DAAM2: variants seen among roughly 807,000 people sequenced by gnomAD.
DAAM2 encodes disheveled-associated activator of morphogenesis 2.
In DAAM2, 39 loss-of-function variants were observed where a neutral mutation model predicts 120.7. That is an observed-to-expected ratio of 0.32 (90% CI 0.25 to 0.42). The LOEUF is 0.42. Ranked by LOEUF, DAAM2 falls within the 10% of genes least tolerant of loss-of-function variation. The probability of loss-of-function intolerance (pLI) is 1.00; values close to 1 mark genes in which losing one functional copy is unlikely to be tolerated. For synonymous variants in DAAM2, 488 were observed against 524.9 expected (o/e 0.93, Z 0.96); for missense variants, 1,283 against 1,401.7 (o/e 0.92, Z 1.35).
rs566690334 is a variant in DAAM2, at chr6:39,874,481, C to T, written c.1163-849C>T. ...CTGGGAAACCTGACTTCTTGTGCTC[C>T]CAGGGATTCCTGTGTTTCCTGTTCC... On this transcript the variant is annotated intron_variant, in intron 10 of 24. Transcript: ENST00000274867. Among the ~76,000 whole-genome samples, 18 of 152,284 alleles carry T rather than the reference C, an allele frequency of 1.2e-4. No individual in the cohort carries two copies. In the South Asian group the frequency reaches 3.7e-3, roughly 32 times the overall value.
rs115663715 is a variant in DAAM2, at chr6:39,859,958, T to G, written c.169-970T>G. ...TTATTGTATTTGAAAATATAAAGAGTCATAATATTATGCTTTGTTATGCTT... is the reference window on the plus strand; with the variant it reads ...TTATTGTATTTGAAAATATAAAGAGGCATAATATTATGCTTTGTTATGCTT... On this transcript the variant is annotated intron_variant, in intron 2 of 24. Coordinates refer to ENST00000274867, the MANE Select transcript of DAAM2 (RefSeq NM_001201427.2). Among the ~76,000 whole-genome samples, 486 of 152,260 alleles carry G rather than the reference T, an allele frequency of 3.2e-3. 5 individuals carry two copies. The highest frequency in any genetic ancestry group is 9.7e-3 in the South Asian group (47 of 4,824).
chr6:39,897,058 G>C (rs551838391), intron 20 of DAAM2, 78 bp downstream of exon 20: 1 of 1,544,208 alleles, frequency 6.5e-7, no homozygotes, highest in Admixed American at 1.8e-5. Context: ...CCCTCTATTA[G>C]GACGGGAACA....
intron 1 of DAAM2, 79 bp from the exon 2 acceptor site, chr6:39,856,168 G>C (rs923687504): frequency 7.7e-7 from 1 of 1,291,888 alleles, no homozygotes; most frequent in African/African-American, 1.5e-5. Flanking sequence ...TGGGACAGAG[G>C]TTATGAAGGC....
In DAAM2 at chr6:39,868,818, C is replaced by A. The variant is rs964373091; in HGVS notation, c.763-5C>A. ...CCTCCTGCTCTGTCCTGCATTTCCA[C>A]CTAGACCCTGCTGAACGAGCTAGAC... On this transcript the variant is annotated splice_polypyrimidine_tract_variant and splice_region_variant and intron_variant, in intron 6 of 24. Transcript: ENST00000274867. 2.0e-5 allele frequency: 31 copies of A among 1,569,302 alleles called. No homozygotes were observed. The highest frequency in any genetic ancestry group is 2.6e-5 in the Non-Finnish European group (30 of 1,156,986).
At position 39,897,252 on chromosome 6, in the gene DAAM2, T is replaced by G; in HGVS notation, c.2588T>G (p.Leu863Arg). ...GATATTCTAAACATGCCTTCAGAGC[T>G]GCAACATCTTCCAGAAGCTGCCAAA... ...FPDILNMPSE[L>R]QHLPEAAKVN... Residue 863 changes from leucine to arginine, a missense_variant, in exon 21 of 25, where the codon CTG becomes CGG. Leu to Arg is a moderately radical substitution (Grantham distance 102, BLOSUM62 -2). Coordinates refer to ENST00000274867, the MANE Select transcript of DAAM2 (RefSeq NM_001201427.2). 6.2e-7 allele frequency: 1 copy of G among 1,613,092 alleles called. No individual in the cohort carries two copies. The highest frequency in any genetic ancestry group is 8.5e-7 in the Non-Finnish European group (1 of 1,179,104).
intron 1 of DAAM2, among the ~76,000 whole-genome samples, chr6:39,802,743 G>A (rs1208566984): frequency 6.6e-6 from 1 of 152,092 alleles, no homozygotes; most frequent in African/African-American, 2.4e-5. Context: ...TTTTTATTTT[G>A]TCTTAACTTT....
intron 1 of DAAM2, among the ~76,000 whole-genome samples, chr6:39,855,670 A>T (rs1254642622): frequency 1.3e-5 from 2 of 152,192 alleles, no homozygotes; most frequent in South Asian, 4.2e-4. Flanking sequence ...AACTGAGCAC[A>T]AAACTGTACA....
At position 39,878,313 on chromosome 6, in the gene DAAM2, C is replaced by T; in HGVS notation, c.1360+52C>T. 1.2e-6 allele frequency: 2 copies of T among 1,612,156 alleles called. No individual in the cohort carries two copies. The highest frequency in any genetic ancestry group is 1.7e-6 in the Non-Finnish European group (2 of 1,178,676). ...TCCACTCCACATGCCCTTCCCCTGC[C>T]CAGCCCATAACTCCATGCCCTTCCA... On this transcript the variant is annotated intron_variant, in intron 12 of 24. Coordinates refer to ENST00000274867, the MANE Select transcript of DAAM2 (RefSeq NM_001201427.2). The surrounding 1 kb of genome is among the most constrained non-coding windows in gnomAD (Gnocchi z 5.0).
chr6:39,807,671 T>C (rs1448294864), intron 1 of DAAM2, among the ~76,000 whole-genome samples: 1 of 152,016 alleles, frequency 6.6e-6, no homozygotes, highest in South Asian at 2.1e-4. Flanking sequence ...CGAGCACAAC[T>C]ATGCTTGGGT....
intron 1 of DAAM2, 160 bp from the exon 2 acceptor site, chr6:39,856,087 T>G (rs1365990378): frequency 2.5e-5 from 21 of 840,968 alleles, no homozygotes; most frequent in Non-Finnish European, 3.0e-5. Flanking sequence ...AACAGAGGGA[T>G]GCTGTGGGAG....
intron 1 of DAAM2, among the ~76,000 whole-genome samples, chr6:39,812,361 T>G (rs1475737537): frequency 1.3e-5 from 2 of 152,238 alleles, no homozygotes; most frequent in African/African-American, 4.8e-5. Context: ...TATCCCATTT[T>G]ATAGAAGAGG....
chr6:39,834,549 C>T (rs1040113250), intron 1 of DAAM2, among the ~76,000 whole-genome samples: 6 of 152,106 alleles, frequency 3.9e-5, no homozygotes, highest in East Asian at 1.9e-4. Flanking sequence ...GGATCATGTG[C>T]GACATTTGAA....
chr6:39,811,038 C>G (rs573325950), intron 1 of DAAM2, among the ~76,000 whole-genome samples: 59 of 152,274 alleles, frequency 3.9e-4, no homozygotes, highest in Middle Eastern at 3.4e-3. Flanking sequence ...TGGGAATGCT[C>G]CTTGCCAAGT....
intron 10 of DAAM2, 146 bp downstream of exon 10, chr6:39,873,501 C>T (rs1202222676): frequency 2.8e-5 from 18 of 632,074 alleles, no homozygotes; most frequent in East Asian, 8.2e-5. Context: ...GGCCCCATGA[C>T]GGAGGCCCCT....
At chr6:39,871,369 T>C in intron 8 of DAAM2, 137 bp from the exon 9 acceptor site, 1 of 781,496 alleles carries the variant, frequency 1.3e-6, no homozygotes. Context: ...CAGCGGCTTC[T>C]TTCCCATTTT....
chr6:39,797,541 A>G (rs568251931), intron 1 of DAAM2, among the ~76,000 whole-genome samples: 87 of 152,356 alleles, frequency 5.7e-4, no homozygotes, highest in Middle Eastern at 3.4e-3. Flanking sequence ...CATTAGAACC[A>G]CTTGGGGGAG....
chr6:39,837,561 G>A (rs1763149952), intron 1 of DAAM2, among the ~76,000 whole-genome samples: 2 of 149,834 alleles, frequency 1.3e-5, no homozygotes, highest in South Asian at 4.2e-4. Flanking sequence ...TACTTGGGAG[G>A]CTGAGACAGG....
intron 3 of DAAM2, 152 bp downstream of exon 3, chr6:39,861,169 G>T: frequency 1.4e-6 from 1 of 719,024 alleles, no homozygotes; most frequent in Non-Finnish European, 2.5e-6. Flanking sequence ...AATAGAAAAA[G>T]GAAATTCTGC....
rs374061585 is a variant in DAAM2, at chr6:39,870,383, T to G, written c.917T>G (p.Met306Arg). ...CTACATCTACGGTATGAATTCCTGA[T>G]GCTGGGTATACAGCCTGTGATTGAC... is the stretch of plus-strand genomic sequence containing the variant. ...FRLHLRYEFL[M>R]LGIQPVIDKL... The change falls in exon 8 of 25, where the codon ATG becomes AGG. Residue 306 changes from methionine to arginine, a missense_variant. Coordinates refer to ENST00000274867, the MANE Select transcript of DAAM2 (RefSeq NM_001201427.2). 6.3e-7 allele frequency: 1 copy of G among 1,587,346 alleles called. No individual in the cohort carries two copies. Among genetic ancestry groups the G allele is most frequent in the African/African-American group, 1.3e-5 (1 of 74,562 alleles).
Sources: allele counts gnomAD v4.1 joint callset (sites outside exome capture counted in the v4.1 genomes callset), GRCh38; gene constraint gnomAD v4.1.1; non-coding constraint Gnocchi (gnomAD v3.1); transcripts MANE v1.5; gene names NCBI Gene and HGNC (gene_info 2026-07-23, HGNC 2026-07-21).